The following SGCD variants were observed in gnomAD, a reference collection of about 807,000 sequenced individuals.
SGCD encodes sarcoglycan delta.
A neutral mutation model predicts 36.6 loss-of-function variants in SGCD; 18 were observed. The observed-to-expected ratio is 0.49, with a 90% CI of 0.34 to 0.73. The LOEUF (loss-of-function observed/expected upper bound fraction) is 0.73, where lower values mean the gene tolerates loss of function less well. SGCD is among the 30% of genes least tolerant of loss of function. The pLI is 0.01. For synonymous variants in SGCD, 133 were observed against 130.6 expected (o/e 1.02, Z -0.12); for missense variants, 387 against 346.7 (o/e 1.12, Z -0.92).
intron 6 of SGCD, among the ~76,000 whole-genome samples, chr5:156,620,627 G>T (rs918398195): frequency 6.6e-6 from 1 of 152,120 alleles, no homozygotes; most frequent in Non-Finnish European, 1.5e-5. Flanking sequence ...GTTTGACTTC[G>T]CAAGTGCAAG....
rs1346953788 is a variant in SGCD at position 156,767,560 on chromosome 5, T to C, written c.*8170T>C. The C allele has an allele frequency of 6.6e-6, 1 of 152,092 alleles. No homozygotes were observed. Among genetic ancestry groups the C allele is most frequent in the Non-Finnish European group, 1.5e-5 (1 of 68,028 alleles). The allele number at this position is 152,092 out of a possible 1,614,324, so 9.4% of individuals were successfully genotyped here. A position where few individuals can be genotyped will look rare whatever the true frequency, so the allele number is the denominator to read the frequency against. Reference sequence around the variant, plus strand: ...TTTGGATTATTTTTGGTTTGGTTTTTCTCTGGTTTTGGGTGTGATGTAAGA... The same window carrying C: ...TTTGGATTATTTTTGGTTTGGTTTTCCTCTGGTTTTGGGTGTGATGTAAGA... On this transcript the variant is annotated 3_prime_UTR_variant, in exon 9 of 9. Transcript: ENST00000337851.
chr5:156,417,706 A>G (rs1408534969), intron 3 of SGCD, among the ~76,000 whole-genome samples: 1 of 151,986 alleles, frequency 6.6e-6, no homozygotes, highest in East Asian at 1.9e-4. Flanking sequence ...TACCATTATG[A>G]CCTCACTTAA....
intron 3 of SGCD, among the ~76,000 whole-genome samples, chr5:156,258,097 C>A (rs1370183298): frequency 6.6e-6 from 1 of 151,922 alleles, no homozygotes; most frequent in Non-Finnish European, 1.5e-5. Flanking sequence ...TGTATGTGAA[C>A]AAAGTAAGCT....
At chr5:156,561,118 G>A (rs915819433) in intron 4 of SGCD, among the ~76,000 whole-genome samples, 3 of 152,148 alleles carry the variant, frequency 2.0e-5, no homozygotes, top group Middle Eastern at 3.2e-3. Flanking sequence ...ATGGAGAGAC[G>A]TACCTTTCTA....
chr5:155,865,277 T>G, the SGCD span, among the ~76,000 whole-genome samples: 1 of 152,144 alleles, frequency 6.6e-6, no homozygotes, highest in Non-Finnish European at 1.5e-5. Flanking sequence ...ATACATTTTT[T>G]TAAATGTGGA....
chr5:156,227,435 T>A (rs888289532), intron 3 of SGCD, among the ~76,000 whole-genome samples: 6 of 152,116 alleles, frequency 3.9e-5, no homozygotes, highest in Admixed American at 2.6e-4. Flanking sequence ...ATTTCTGGGT[T>A]CTCTATTCTG....
chr5:156,179,195 C>G (rs1270696931), intron 3 of SGCD, among the ~76,000 whole-genome samples: 2 of 151,842 alleles, frequency 1.3e-5, no homozygotes, highest in Non-Finnish European at 2.9e-5. Flanking sequence ...TTTCTATGTA[C>G]TTTTGCACTA....
intron 3 of SGCD, among the ~76,000 whole-genome samples, chr5:156,269,406 C>G (rs1010548266): frequency 7.5e-6 from 1 of 132,668 alleles, no homozygotes; most frequent in Non-Finnish European, 1.5e-5. Context: ...GGAGGCGGAG[C>G]CTGCAGTGAG....
rs560191636 is a variant in SGCD at position 156,258,543 on chromosome 5, A to G, written c.-43-70991A>G. On this transcript the variant is annotated intron_variant, in intron 3 of 9. Coordinates refer to the SGCD transcript ENST00000517913. ...CAAACAAAAATAGCCACGATTGTCT[A>G]AAAAATGGCTATTAAAATAGCCCTT... Among the ~76,000 whole-genome samples the G allele has an allele frequency of 1.1e-4, 16 of 152,292 alleles. No individual in the cohort carries two copies. In the East Asian group the frequency reaches 3.1e-3, roughly 29 times the overall value.
intron 2 of SGCD, among the ~76,000 whole-genome samples, chr5:156,332,639 C>T (rs1768124688): frequency 6.6e-6 from 1 of 152,206 alleles, no homozygotes; most frequent in South Asian, 2.1e-4. Context: ...TCTCAGAGAA[C>T]ACTGTTGAGA....
rs553817045 is a variant in SGCD at position 156,226,542 on chromosome 5, C to G, written c.-44+102523C>G. Among the ~76,000 whole-genome samples, 9 of 152,120 alleles carry G rather than the reference C, an allele frequency of 5.9e-5. No homozygotes were observed. The South Asian group carries it at 1.2e-3, about 21-fold the overall frequency. ...GCTATAAACATGCATGTGCAAGTAT[C>G]TTTTTCATATAATGACTTCATTTCC... On this transcript the variant is annotated intron_variant, in intron 3 of 9. Coordinates refer to the SGCD transcript ENST00000517913.
chr5:156,637,283 A>G lies in SGCD; in HGVS notation c.503-10181A>G, dbSNP rs138628750. ...CCAAGCCATGCTGAACCATGAGTCA[A>G]TTAAACCTCTTTCCTTTATAAATTA... On this transcript the variant is annotated intron_variant, in intron 6 of 8. Transcript: ENST00000337851. Among the ~76,000 whole-genome samples, 381 of 152,276 alleles carry G rather than the reference A, an allele frequency of 2.5e-3. 1 individual carries two copies. The highest frequency in any genetic ancestry group is 8.7e-3 in the African/African-American group (362 of 41,548).
At chr5:156,465,669 C>A (rs533041464) in intron 3 of SGCD, among the ~76,000 whole-genome samples, 30 of 152,236 alleles carry the variant, frequency 2.0e-4, no homozygotes, top group African/African-American at 6.7e-4. Context: ...TCTTTCTGAC[C>A]CACATCAAAA....
At chr5:156,103,784 C>T (rs1013169593) in intron 1 of SGCD, among the ~76,000 whole-genome samples, 4 of 152,038 alleles carry the variant, frequency 2.6e-5, no homozygotes, top group East Asian at 3.9e-4. Context: ...GCAAATGTTG[C>T]CATGAGTCAC....
intron 1 of SGCD, among the ~76,000 whole-genome samples, chr5:156,039,564 A>G (rs111528637): frequency 0.011 from 1,637 of 152,314 alleles, 45 homozygotes; most frequent in African/African-American, 0.038. Flanking sequence ...TGTTGAATAA[A>G]ATAATAAACT....
chr5:156,246,435 G>A (rs929498995), intron 3 of SGCD, among the ~76,000 whole-genome samples: 3 of 152,064 alleles, frequency 2.0e-5, no homozygotes, highest in South Asian at 2.1e-4. Context: ...AAAGAATAAG[G>A]TTATAGATTT....
At chr5:156,209,643 G>C (rs1394565243) in intron 3 of SGCD, among the ~76,000 whole-genome samples, 1 of 152,206 alleles carries the variant, frequency 6.6e-6, no homozygotes, top group Non-Finnish European at 1.5e-5. Context: ...GTAAACCCAG[G>C]TTGCAGGTTG....
chr5:155,946,495 A>G (rs188076279), intron 1 of SGCD, among the ~76,000 whole-genome samples: 43 of 152,110 alleles, frequency 2.8e-4, no homozygotes, highest in Non-Finnish European at 5.1e-4. Flanking sequence ...TGTGAAGACC[A>G]TTTTCCAAAT....
chr5:156,745,594 G>A (rs1382651796), intron 7 of SGCD, among the ~76,000 whole-genome samples: 2 of 152,104 alleles, frequency 1.3e-5, no homozygotes, highest in East Asian at 1.9e-4. Context: ...GAGCAGGCAG[G>A]AAAACAAGGC....
Sources: allele counts gnomAD v4.1 joint callset (sites outside exome capture counted in the v4.1 genomes callset), GRCh38; gene constraint gnomAD v4.1.1; transcripts MANE v1.5; gene names NCBI Gene and HGNC (gene_info 2026-07-23, HGNC 2026-07-21).